CDH18: variants seen among roughly 807,000 people sequenced by gnomAD.
CDH18 encodes cadherin 18, also known as cadherin-18.
A neutral mutation model predicts 67.9 loss-of-function variants in CDH18; 31 were observed. That is an observed-to-expected ratio of 0.46 (90% CI 0.34 to 0.62). The LOEUF (loss-of-function observed/expected upper bound fraction) is 0.62, where lower values mean the gene tolerates loss of function less well. CDH18 is among the 20% of genes least tolerant of loss of function. CDH18 has a pLI of 0.01. For missense variants in CDH18, 890 were observed against 975.5 expected, an observed-to-expected ratio of 0.91 and a Z score of 1.17; for synonymous variants, 362 against 347.2, an observed-to-expected ratio of 1.04 and a Z score of -0.48.
intron 12 of CDH18, among the ~76,000 whole-genome samples, chr5:19,474,275 A>G (rs762578220): frequency 6.6e-6 from 1 of 152,176 alleles, no homozygotes; most frequent in Non-Finnish European, 1.5e-5. Flanking sequence ...AAATTATATT[A>G]TCATGCATTA....
At chr5:19,841,238 A>C (rs1190644707) in intron 2 of CDH18, among the ~76,000 whole-genome samples, 1 of 152,144 alleles carries the variant, frequency 6.6e-6, no homozygotes, top group African/African-American at 2.4e-5. Context: ...TATTTTCTGA[A>C]AGCAAAGGTA....
chr5:20,419,000 G>A (rs1173952839), intron 1 of CDH18, among the ~76,000 whole-genome samples: 1 of 151,908 alleles, frequency 6.6e-6, no homozygotes, highest in Non-Finnish European at 1.5e-5. Context: ...TGAGGGATAT[G>A]GTTTGGCCGT....
At chr5:19,879,817 T>C (rs1169724802) in intron 2 of CDH18, among the ~76,000 whole-genome samples, 2 of 152,040 alleles carry the variant, frequency 1.3e-5, no homozygotes, top group African/African-American at 4.8e-5. Flanking sequence ...GGGCCTAACA[T>C]GCTTGAAATA....
At chr5:19,578,382 T>C (rs2149971467) in intron 7 of CDH18, among the ~76,000 whole-genome samples, 1 of 152,312 alleles carries the variant, frequency 6.6e-6, no homozygotes, top group South Asian at 2.1e-4. Context: ...GAAATCAGTT[T>C]ATGTGTGTTT....
chr5:19,886,921 CAGT>C (rs1788273978), intron 2 of CDH18, among the ~76,000 whole-genome samples: 1 of 152,118 alleles, frequency 6.6e-6, no homozygotes, highest in Non-Finnish European at 1.5e-5. Context: ...TAAAACATAG[CAGT>C]AGCTTGATCT....
chr5:20,311,118 G>A (rs911110370), intron 1 of CDH18, among the ~76,000 whole-genome samples: 4 of 151,870 alleles, frequency 2.6e-5, no homozygotes, highest in African/African-American at 9.7e-5. Flanking sequence ...ACAAAAAAAA[G>A]CCTTTCTAAC....
intron 2 of CDH18, among the ~76,000 whole-genome samples, chr5:19,844,321 G>A (rs116698786): frequency 9.5e-4 from 145 of 152,194 alleles, no homozygotes; most frequent in East Asian, 4.3e-3. Context: ...CTGGGGACTA[G>A]TCCCCCATGC....
rs552980405 is a variant in CDH18 at position 19,534,069 on chromosome 5, A to T, written c.1390+9800T>A. On this transcript the variant is annotated intron_variant, in intron 9 of 12. Coordinates refer to ENST00000382275, the MANE Select transcript of CDH18 (RefSeq NM_004934.5). Reference sequence around the variant, plus strand: ...AATAAATCATCAAATGTATTGGCACATTAAGTAAATGTGGTGGATATTGTG... The same window carrying T: ...AATAAATCATCAAATGTATTGGCACTTTAAGTAAATGTGGTGGATATTGTG... Among the ~76,000 whole-genome samples, 3 of 152,304 alleles carry T rather than the reference A, an allele frequency of 2.0e-5. No individual in the cohort carries two copies. In the South Asian group the frequency reaches 6.2e-4, roughly 32 times the overall value.
chr5:20,516,734 A>G (rs9292943), intron 1 of CDH18, among the ~76,000 whole-genome samples: 74,156 of 151,588 alleles, frequency 0.49, 18,272 homozygotes, highest in East Asian at 0.58. Context: ...TAAGACTATG[A>G]TTTGTATGAC....
chr5:19,957,534 G>C (rs975335885), intron 2 of CDH18, among the ~76,000 whole-genome samples: 1 of 151,722 alleles, frequency 6.6e-6, no homozygotes, highest in African/African-American at 2.4e-5. Context: ...ATTGCAGTTA[G>C]TATGACCAAA....
intron 1 of CDH18, among the ~76,000 whole-genome samples, chr5:20,320,151 T>C (rs1230236428): frequency 1.3e-5 from 2 of 152,178 alleles, no homozygotes; most frequent in African/African-American, 2.4e-5. Context: ...CTGAATGTGC[T>C]TGTTGGGATG....
chr5:20,140,030 G>C (rs1750100060), intron 2 of CDH18, among the ~76,000 whole-genome samples: 1 of 152,160 alleles, frequency 6.6e-6, no homozygotes, highest in Non-Finnish European at 1.5e-5. Flanking sequence ...TATGTTTATT[G>C]TGGTACTACT....
intron 5 of CDH18, among the ~76,000 whole-genome samples, chr5:19,634,528 A>T (rs1182250364): frequency 6.6e-6 from 1 of 152,232 alleles, no homozygotes; most frequent in Non-Finnish European, 1.5e-5. Context: ...CTGCCTAGAG[A>T]AGCACAAGTA....
chr5:20,112,323 T>A (rs899040706), intron 2 of CDH18, among the ~76,000 whole-genome samples: 1 of 152,202 alleles, frequency 6.6e-6, no homozygotes, highest in African/African-American at 2.4e-5. Context: ...AGAAACATAT[T>A]TCTTGATTAT....
Position 20,334,753 on chromosome 5 carries a change from T to TACACACACACACACAC in CDH18, c.-579-79264_-579-79249dup, listed in dbSNP as rs35282241. ...GATCTCTCTCTCTCTCTCTCTCTCA[T>TACACACACACACACAC]ACACACACACACACACACACACACA... On this transcript the variant is annotated intron_variant, in intron 1 of 14. Coordinates refer to the CDH18 transcript ENST00000507958. Among the ~76,000 whole-genome samples, 25 of 138,436 alleles carry TACACACACACACACAC rather than the reference T, an allele frequency of 1.8e-4. No individual in the cohort carries two copies. The South Asian group carries it at 2.0e-3, about 11-fold the overall frequency. The allele number at this position is 138,436 out of a possible 152,430, so 90.8% of individuals were successfully genotyped here.
intron 2 of CDH18, among the ~76,000 whole-genome samples, chr5:20,062,919 A>G (rs1742624341): frequency 6.6e-6 from 1 of 151,578 alleles, no homozygotes; most frequent in Admixed American, 6.6e-5. Flanking sequence ...CTTCATTTAA[A>G]CCTCATTCTA....
chr5:20,059,450 C>A (rs948789042), intron 2 of CDH18, among the ~76,000 whole-genome samples: 1 of 152,082 alleles, frequency 6.6e-6, no homozygotes, highest in East Asian at 1.9e-4. Flanking sequence ...TTCCTGCTTT[C>A]TCCTGTGGGC....
chr5:20,228,948 A>G (rs1741851454), intron 2 of CDH18, among the ~76,000 whole-genome samples: 1 of 152,114 alleles, frequency 6.6e-6, no homozygotes, highest in South Asian at 2.1e-4. Context: ...CTGATGTAGC[A>G]TATGCACTTA....
intron 2 of CDH18, among the ~76,000 whole-genome samples, chr5:20,077,011 G>T (rs1561771178): frequency 6.6e-6 from 1 of 152,074 alleles, no homozygotes; most frequent in Non-Finnish European, 1.5e-5. Context: ...AATTCCAGTT[G>T]GTTGAATTGT....
Sources: allele counts gnomAD v4.1 joint callset (sites outside exome capture counted in the v4.1 genomes callset), GRCh38; gene constraint gnomAD v4.1.1; transcripts MANE v1.5; gene names NCBI Gene and HGNC (gene_info 2026-07-23, HGNC 2026-07-21).